KIAA1328: variants seen among roughly 807,000 people sequenced by gnomAD.
The protein encoded by KIAA1328 is protein hinderin.
Under a neutral mutation model 68.1 loss-of-function variants are expected in KIAA1328, and 52 were observed. That is an observed-to-expected ratio of 0.76 (90% confidence interval 0.61 to 0.96). The LOEUF (loss-of-function observed/expected upper bound fraction) is 0.96. Among genes scored for constraint, KIAA1328 ranks in the 40% least tolerant of loss-of-function variants. The pLI, the probability that KIAA1328 is intolerant of heterozygous loss-of-function variation, is 0.00. For synonymous variants in KIAA1328, 232 were observed against 239.4 expected (o/e 0.97, Z 0.28); for missense variants, 641 against 677.6 (o/e 0.95, Z 0.60).
intron 7 of KIAA1328, among the ~76,000 whole-genome samples, chr18:37,126,673 C>T (rs2058398536): frequency 6.6e-6 from 1 of 152,144 alleles, no homozygotes; most frequent in South Asian, 2.1e-4. Context: ...ATACCAATAT[C>T]TCTCATGAAA....
At chr18:36,922,101 T>C (rs1419034537) in intron 5 of KIAA1328, among the ~76,000 whole-genome samples, 1 of 152,046 alleles carries the variant, frequency 6.6e-6, no homozygotes, top group African/African-American at 2.4e-5. Flanking sequence ...ATGTAGCTAG[T>C]CAAGTCATGG....
At chr18:36,905,215 G>A (rs2049176151) in intron 5 of KIAA1328, among the ~76,000 whole-genome samples, 1 of 151,840 alleles carries the variant, frequency 6.6e-6, no homozygotes. Flanking sequence ...GGATTCAAGT[G>A]ATTTTCCTGC....
intron 4 of KIAA1328, among the ~76,000 whole-genome samples, chr18:36,872,735 A>G (rs2047989275): frequency 6.6e-6 from 1 of 152,214 alleles, no homozygotes; most frequent in Non-Finnish European, 1.5e-5. Context: ...ATGCATACAA[A>G]GAGAACAACA....
At chr18:36,873,058 C>A (rs2048000934) in intron 4 of KIAA1328, among the ~76,000 whole-genome samples, 1 of 152,160 alleles carries the variant, frequency 6.6e-6, no homozygotes, top group Non-Finnish European at 1.5e-5. Flanking sequence ...TCCAGGTATT[C>A]TTCCAGATTT....
intron 8 of KIAA1328, among the ~76,000 whole-genome samples, chr18:37,172,001 G>T (rs766868617): frequency 6.6e-6 from 1 of 152,168 alleles, no homozygotes; most frequent in East Asian, 1.9e-4. Flanking sequence ...GACGCTAATC[G>T]CTATAGCTGT....
In KIAA1328 at chr18:37,162,884, TA is replaced by T. The variant is rs34141985; in HGVS notation, c.1414+2517del. ...GCCAGCTTTATGATGCTAAACATGT[TA>T]AAAAAAAAAAAAAGACCAGACTATT... is the stretch of plus-strand genomic sequence containing the variant. On this transcript the variant is annotated intron_variant, in intron 8 of 9. Coordinates refer to ENST00000280020, the MANE Select transcript of KIAA1328 (RefSeq NM_020776.3). Among the ~76,000 whole-genome samples the T allele has an allele frequency of 4.7e-3, 642 of 137,364 alleles. 3 individuals are homozygous for T. The highest frequency in any genetic ancestry group is 0.011 in the East Asian group (52 of 4,816). The allele number at this position is 137,364 out of a possible 152,430, so 90.1% of individuals were successfully genotyped here. A position where few individuals can be genotyped will look rare whatever the true frequency, so the allele number is the denominator to read the frequency against.
At chr18:37,004,472 A>T (rs2053703474) in intron 6 of KIAA1328, among the ~76,000 whole-genome samples, 1 of 152,112 alleles carries the variant, frequency 6.6e-6, no homozygotes, top group Non-Finnish European at 1.5e-5. Context: ...TTCTCAAAAG[A>T]ATATATACAA....
At chr18:37,153,624 CTTTTTTTTTTTT>C (rs772159270) in intron 7 of KIAA1328, among the ~76,000 whole-genome samples, 16 of 95,676 alleles carry the variant, frequency 1.7e-4, no homozygotes, top group Non-Finnish European at 3.1e-4. Flanking sequence ...AATCCAATAG[CTTTTTTTTTTTT>C]TTTTTTTTTT....
At chr18:37,189,712 AGG>A (rs2059869169) in intron 9 of KIAA1328, among the ~76,000 whole-genome samples, 1 of 152,144 alleles carries the variant, frequency 6.6e-6, no homozygotes, top group East Asian at 1.9e-4. Flanking sequence ...CTCTCTTTAG[AGG>A]GCTATTTATA....
At chr18:37,156,708 A>G (rs1236553057) in intron 7 of KIAA1328, among the ~76,000 whole-genome samples, 2 of 152,198 alleles carry the variant, frequency 1.3e-5, no homozygotes, top group African/African-American at 4.8e-5. Flanking sequence ...TGGTGATATC[A>G]TTAAGTGAGA....
chr18:37,105,600 A>T (rs1332522542), intron 7 of KIAA1328, among the ~76,000 whole-genome samples: 1 of 151,636 alleles, frequency 6.6e-6, no homozygotes, highest in East Asian at 1.9e-4. Context: ...CAAGGATTGG[A>T]AATGTCCTAT....
At chr18:37,138,075 C>G (rs1004886652) in intron 7 of KIAA1328, among the ~76,000 whole-genome samples, 1 of 152,120 alleles carries the variant, frequency 6.6e-6, no homozygotes, top group Non-Finnish European at 1.5e-5. Flanking sequence ...AGATATTGCT[C>G]TTAAGCCTTT....
At chr18:37,151,128 T>G (rs1042065610) in intron 7 of KIAA1328, among the ~76,000 whole-genome samples, 2 of 152,070 alleles carry the variant, frequency 1.3e-5, no homozygotes, top group African/African-American at 4.8e-5. Context: ...AAAATAAAAT[T>G]TATTTCTATA....
At chr18:37,215,382 C>T (rs2060408480) in intron 9 of KIAA1328, among the ~76,000 whole-genome samples, 1 of 152,144 alleles carries the variant, frequency 6.6e-6, no homozygotes, top group African/African-American at 2.4e-5. Context: ...TTGTTGAAGG[C>T]ATTGTCTGCA....
At chr18:37,014,982 A>G (rs1392906286) in intron 6 of KIAA1328, among the ~76,000 whole-genome samples, 1 of 152,092 alleles carries the variant, frequency 6.6e-6, no homozygotes, top group Non-Finnish European at 1.5e-5. Flanking sequence ...GGCTCACTGC[A>G]ACTTCTGCCT....
chr18:36,852,784 G>A (rs2047255193), intron 4 of KIAA1328, among the ~76,000 whole-genome samples: 1 of 152,136 alleles, frequency 6.6e-6, no homozygotes, highest in South Asian at 2.1e-4. Context: ...TGCTGTAATG[G>A]CAGTCTCAAA....
chr18:36,954,687 C>CTTTTT (rs35883053), intron 5 of KIAA1328, among the ~76,000 whole-genome samples: 2 of 121,072 alleles, frequency 1.7e-5, no homozygotes, highest in Admixed American at 1.7e-4. Flanking sequence ...AAAGACTTCA[C>CTTTTT]TTTTTTTTTT....
chr18:36,967,023 A>C (rs1224757323), intron 6 of KIAA1328, among the ~76,000 whole-genome samples: 1 of 152,218 alleles, frequency 6.6e-6, no homozygotes, highest in Non-Finnish European at 1.5e-5. Context: ...ATTTGTTCTA[A>C]AGCTATGGTA....
At chr18:37,047,120 A>G (rs1231199667) in intron 6 of KIAA1328, among the ~76,000 whole-genome samples, 4 of 152,214 alleles carry the variant, frequency 2.6e-5, no homozygotes, top group African/African-American at 9.6e-5. Flanking sequence ...TGCCTTGGCT[A>G]GGTATCTACC....
Sources: allele counts gnomAD v4.1 joint callset (sites outside exome capture counted in the v4.1 genomes callset), GRCh38; gene constraint gnomAD v4.1.1; transcripts MANE v1.5; gene names NCBI Gene and HGNC (gene_info 2026-07-23, HGNC 2026-07-21).